Variants in HEATR1 observed in about 807,000 individuals in gnomAD.
The protein encoded by HEATR1 is HEAT repeat-containing protein 1.
A neutral mutation model predicts 248.2 loss-of-function variants in HEATR1; 77 were observed. The observed-to-expected ratio is 0.31, with a 90% CI of 0.26 to 0.37. The LOEUF is 0.37. HEATR1 is among the 10% of genes least tolerant of loss of function. The pLI is 1.00. For missense variants in HEATR1, 2,420 were observed against 2,504.9 expected (o/e 0.97, Z 0.72); for synonymous variants, 897 against 923.1 (o/e 0.97, Z 0.51).
intron 18 of HEATR1, 32 bp from the exon 19 acceptor site, chr1:236,582,904 G>A (rs771014962): frequency 6.2e-7 from 1 of 1,611,558 alleles, no homozygotes; most frequent in East Asian, 2.2e-5. Flanking sequence ...AATGATGCTA[G>A]ATCCTACATG....
At chr1:236,597,103 C>T (rs77645940) in intron 5 of HEATR1, 127 bp from the exon 6 acceptor site, 12,083 of 622,790 alleles carry the variant, frequency 0.019, 150 homozygotes, top group Middle Eastern at 0.046. Context: ...CTAGCCTGGG[C>T]GACAAAGCAA....
At chr1:236,585,718 A>T in intron 16 of HEATR1, 102 bp downstream of exon 16, 2 of 1,131,160 alleles carry the variant, frequency 1.8e-6, no homozygotes. Flanking sequence ...ACTCAAGAAT[A>T]AAAGAAATTT....
chr1:236,604,229 G>C, intron 1 of HEATR1, 102 bp from the exon 2 acceptor site: 1 of 892,050 alleles, frequency 1.1e-6, no homozygotes, highest in Non-Finnish European at 1.6e-6. Flanking sequence ...GACACACAAC[G>C]CGGGTGTCCT....
chr1:236,579,953 C>G (rs918312851), intron 20 of HEATR1, among the ~76,000 whole-genome samples: 1 of 149,772 alleles, frequency 6.7e-6, no homozygotes, highest in Non-Finnish European at 1.5e-5. Flanking sequence ...AGAAACAAAA[C>G]AAAAAAAAAC....
At chr1:236,575,014 A>G (rs1205843968) in intron 22 of HEATR1, 111 bp from the exon 23 acceptor site, 7 of 1,009,218 alleles carry the variant, frequency 6.9e-6, no homozygotes, top group Non-Finnish European at 8.5e-6. Context: ...CCTGGAGGAA[A>G]AAACCCAATG....
At chr1:236,561,493 C>G (rs533441213) in intron 32 of HEATR1, among the ~76,000 whole-genome samples, 1 of 152,296 alleles carries the variant, frequency 6.6e-6, no homozygotes, top group African/African-American at 2.4e-5. Context: ...CTAAAAAGTA[C>G]TACAATGGTT....
At position 236,585,027 on chromosome 1, in the gene HEATR1, C is replaced by T. The variant is rs1472706235; in HGVS notation, c.2239G>A (p.Val747Met). 2 of 1,611,952 alleles carry T rather than the reference C, an allele frequency of 1.2e-6. No homozygotes were observed. Among genetic ancestry groups the T allele is most frequent in the Admixed American group, 1.7e-5 (1 of 59,666 alleles). Residue 747 changes from valine (V) to methionine (M), a missense_variant and splice_region_variant, in exon 17 of 45, where the codon GTG becomes ATG. By Grantham distance (21) the Val-to-Met change is conservative. Transcript: ENST00000366582. ...TCTGGAGATTCTGCTTTCCTTACCA[C>T]TGCAGTAATGACACTTTCAAGCTTC... ...IKKLESVITA[V>M]EIPSEWHIEL...
intron 36 of HEATR1, 117 bp downstream of exon 36, chr1:236,558,120 A>C: frequency 8.5e-7 from 1 of 1,176,990 alleles, no homozygotes; most frequent in East Asian, 2.4e-5. Flanking sequence ...ATTCTTTAAC[A>C]AATTCCAATT....
chr1:236,600,164 G>C (rs1387147201), intron 3 of HEATR1, among the ~76,000 whole-genome samples: 1 of 105,342 alleles, frequency 9.5e-6, no homozygotes, highest in Admixed American at 1.5e-4. Flanking sequence ...GAGTCTTGCT[G>C]TTGCCCAGGC....
intron 4 of HEATR1, among the ~76,000 whole-genome samples, chr1:236,598,430 T>C (rs1243563775): frequency 1.3e-5 from 2 of 152,156 alleles, no homozygotes; most frequent in African/African-American, 4.8e-5. Flanking sequence ...GCTCCATAAA[T>C]ACTGATTAAA....
chr1:236,572,085 CTA>C (rs1321327630), intron 26 of HEATR1, among the ~76,000 whole-genome samples: 3 of 152,052 alleles, frequency 2.0e-5, no homozygotes, highest in African/African-American at 7.2e-5. Flanking sequence ...ATAGCAAACA[CTA>C]TATACACACA....
chr1:236,581,602 A>G (rs1663743233), intron 19 of HEATR1, among the ~76,000 whole-genome samples, 188 bp from the exon 20 acceptor site: 1 of 152,244 alleles, frequency 6.6e-6, no homozygotes, highest in African/African-American at 2.4e-5. Flanking sequence ...ATGAAGAGTG[A>G]TATTCAGAAG....
At position 236,571,430 on chromosome 1, in the gene HEATR1, T is replaced by C; in HGVS notation, c.3869A>G (p.Gln1290Arg). Residue 1290 changes from glutamine (Q) to arginine (R), a missense_variant, in exon 28 of 45, where the codon CAG becomes CGG. Transcript: ENST00000366582. ...CGGCATCTCCGAAAGGCGGATGCACTGAACTATCAACTCCACGTTGAACTT... is the reference window on the plus strand; with the variant it reads ...CGGCATCTCCGAAAGGCGGATGCACCGAACTATCAACTCCACGTTGAACTT... ...EEKFNVELIV[Q>R]CIRLSEMPQT... 1 of 1,613,710 alleles carries C rather than the reference T, an allele frequency of 6.2e-7. No homozygotes were observed. The highest frequency in any genetic ancestry group is 8.5e-7 in the Non-Finnish European group (1 of 1,179,942).
intron 2 of HEATR1, among the ~76,000 whole-genome samples, chr1:236,603,592 C>CTT (rs55829950): frequency 7.9e-6 from 1 of 127,380 alleles, no homozygotes; most frequent in African/African-American, 2.7e-5. Context: ...GCAGGGAACA[C>CTT]TTTTTTTTTT....
At chr1:236,576,745 T>C (rs1288738203) in intron 21 of HEATR1, 35 bp downstream of exon 21, 34 of 1,585,404 alleles carry the variant, frequency 2.1e-5, no homozygotes, top group Non-Finnish European at 2.7e-5. Flanking sequence ...CACAGAGGCA[T>C]GAACACACTC....
chr1:236,567,581 T>A (rs1045932141), intron 29 of HEATR1, among the ~76,000 whole-genome samples: 21 of 152,120 alleles, frequency 1.4e-4, no homozygotes, highest in African/African-American at 5.1e-4. Flanking sequence ...TGGTGGTGCG[T>A]GCCTGTAGTC....
At chr1:236,576,652 C>A in intron 21 of HEATR1, 128 bp downstream of exon 21, 3 of 813,600 alleles carry the variant, frequency 3.7e-6, no homozygotes, top group East Asian at 2.6e-5. Flanking sequence ...AGATATTGAC[C>A]TATCAGTTCC....
chr1:236,578,709 T>C (rs533483842), intron 20 of HEATR1, among the ~76,000 whole-genome samples: 162 of 152,352 alleles, frequency 1.1e-3, no homozygotes, highest in Non-Finnish European at 1.9e-3. Flanking sequence ...TTTTACATAA[T>C]ATTATTCAAA....
At chr1:236,593,020 C>T (rs1229953030) in intron 9 of HEATR1, among the ~76,000 whole-genome samples, 1 of 152,140 alleles carries the variant, frequency 6.6e-6, no homozygotes, top group African/African-American at 2.4e-5. Flanking sequence ...CATGGTGAAA[C>T]CTTGTCTCTA....
Sources: allele counts gnomAD v4.1 joint callset (sites outside exome capture counted in the v4.1 genomes callset), GRCh38; gene constraint gnomAD v4.1.1; transcripts MANE v1.5; gene names NCBI Gene and HGNC (gene_info 2026-07-23, HGNC 2026-07-21).